The following TEX26 variants were observed in gnomAD, a reference collection of about 807,000 sequenced individuals.
TEX26 encodes the protein testis-expressed protein 26.
Under a neutral mutation model 35.3 loss-of-function variants are expected in TEX26, and 34 were observed. The ratio of observed to expected loss-of-function variants is 0.96; its 90% CI spans 0.73 to 1.28. TEX26 has a LOEUF of 1.28. Ranked by LOEUF, TEX26 falls within the 50% of genes most tolerant of loss-of-function variation. The pLI is 0.00. For synonymous variants in TEX26, 136 were observed against 111.8 expected (o/e 1.22, Z -1.36); for missense variants, 371 against 330.1 (o/e 1.12, Z -0.96).
intron 1 of TEX26, among the ~76,000 whole-genome samples, chr13:30,934,360 T>A (rs1953187553): frequency 1.3e-5 from 2 of 152,140 alleles, no homozygotes; most frequent in Non-Finnish European, 2.9e-5. Context: ...TGGTCCGAAA[T>A]AGGATGAGGT....
At chr13:30,948,839 G>T (rs1217795829) in intron 2 of TEX26, among the ~76,000 whole-genome samples, 1 of 152,186 alleles carries the variant, frequency 6.6e-6, no homozygotes, top group East Asian at 1.9e-4. Flanking sequence ...GAATGGTATT[G>T]CCTAGGTTTT....
intron 1 of TEX26, among the ~76,000 whole-genome samples, chr13:30,935,067 G>T (rs1953220632): frequency 6.6e-6 from 1 of 152,216 alleles, no homozygotes; most frequent in Admixed American, 6.5e-5. Context: ...TCCCCAGGAA[G>T]GACACCCTTC....
At chr13:30,970,735 G>C (rs1297603613) in intron 6 of TEX26, among the ~76,000 whole-genome samples, 1 of 152,150 alleles carries the variant, frequency 6.6e-6, no homozygotes, top group Non-Finnish European at 1.5e-5. Context: ...AGGCACCGCT[G>C]TCTCTTACTG....
chr13:30,944,373 G>A (rs889849876), intron 2 of TEX26, among the ~76,000 whole-genome samples: 1 of 151,198 alleles, frequency 6.6e-6, no homozygotes, highest in Admixed American at 6.6e-5. Flanking sequence ...TCTAGTTTAT[G>A]GTCTATCAAT....
chr13:30,971,989 A>G (rs1470086748), intron 6 of TEX26, among the ~76,000 whole-genome samples: 2 of 152,228 alleles, frequency 1.3e-5, no homozygotes, highest in East Asian at 1.9e-4. Flanking sequence ...TATTTACTCA[A>G]GAAATGCTCA....
intron 1 of TEX26, among the ~76,000 whole-genome samples, chr13:30,934,517 C>G (rs978157666): frequency 1.3e-5 from 2 of 152,184 alleles, no homozygotes; most frequent in East Asian, 1.9e-4. Flanking sequence ...CTCTGAAGGT[C>G]GAGAGCCTGA....
intron 4 of TEX26, among the ~76,000 whole-genome samples, chr13:30,963,417 C>G (rs571983448): frequency 6.6e-6 from 1 of 152,148 alleles, no homozygotes; most frequent in Non-Finnish European, 1.5e-5. Context: ...TTATCAGGAA[C>G]CTGTCTTCCA....
intron 2 of TEX26, among the ~76,000 whole-genome samples, chr13:30,941,073 C>T (rs1199714879): frequency 6.6e-6 from 1 of 152,208 alleles, no homozygotes; most frequent in Non-Finnish European, 1.5e-5. Flanking sequence ...ATTATCTCTG[C>T]TACCTTGCGC....
At chr13:30,969,772 A>G (rs1239408917) in intron 6 of TEX26, among the ~76,000 whole-genome samples, 2 of 152,202 alleles carry the variant, frequency 1.3e-5, no homozygotes, top group African/African-American at 2.4e-5. Flanking sequence ...TATAAAATAT[A>G]TTCATATGCC....
chr13:30,934,688 T>G (rs370574131), intron 1 of TEX26, among the ~76,000 whole-genome samples: 1 of 152,072 alleles, frequency 6.6e-6, no homozygotes, highest in East Asian at 1.9e-4. Context: ...GCTGCAACAC[T>G]CCATGGAGCC....
intron 2 of TEX26, among the ~76,000 whole-genome samples, chr13:30,947,117 T>G (rs1474397350): frequency 6.6e-6 from 1 of 152,138 alleles, no homozygotes; most frequent in East Asian, 1.9e-4. Flanking sequence ...AAGTACTGAG[T>G]TATCACAATT....
At chr13:30,970,795 G>A (rs1263965095) in intron 6 of TEX26, among the ~76,000 whole-genome samples, 2 of 152,150 alleles carry the variant, frequency 1.3e-5, no homozygotes, top group Admixed American at 1.3e-4. Context: ...GTGAACTAGG[G>A]ACTCCTCAAA....
At chr13:30,951,930 A>G (rs575173860) in intron 2 of TEX26, among the ~76,000 whole-genome samples, 4 of 115,016 alleles carry the variant, frequency 3.5e-5, no homozygotes, top group African/African-American at 1.4e-4. Flanking sequence ...TTTAAAAAAA[A>G]AGAGAGAAAG....
At chr13:30,970,168 AGTGTGT>A (rs57600535) in intron 6 of TEX26, among the ~76,000 whole-genome samples, 31,252 of 146,086 alleles carry the variant, frequency 0.21, 3,322 homozygotes, top group African/African-American at 0.24. Flanking sequence ...GGTGTGTGTG[AGTGTGT>A]GTGTGTGTGT....
chr13:30,953,753 G>T, intron 3 of TEX26, among the ~76,000 whole-genome samples: 1 of 152,160 alleles, frequency 6.6e-6, no homozygotes, highest in Non-Finnish European at 1.5e-5. Context: ...CTGATTCTCC[G>T]TGTGTGTTTT....
chr13:30,960,769 G>A (rs1413727956), intron 4 of TEX26, among the ~76,000 whole-genome samples: 2 of 152,092 alleles, frequency 1.3e-5, no homozygotes, highest in Non-Finnish European at 2.9e-5. Flanking sequence ...TTTTCTCTGA[G>A]TGTCTTAATG....
At chr13:30,960,662 G>T (rs190611276) in intron 4 of TEX26, among the ~76,000 whole-genome samples, 100 of 152,112 alleles carry the variant, frequency 6.6e-4, no homozygotes, top group African/African-American at 2.3e-3. Flanking sequence ...ACAGCATTCT[G>T]CTCTTATTTT....
At chr13:30,964,821 T>C (rs1954471484) in intron 4 of TEX26, among the ~76,000 whole-genome samples, 1 of 152,160 alleles carries the variant, frequency 6.6e-6, no homozygotes, top group Non-Finnish European at 1.5e-5. Flanking sequence ...ACTCACCTTT[T>C]TGTCAGGAAC....
intron 1 of TEX26, chr13:30,936,745 C>G (rs954222354): frequency 2.0e-6 from 2 of 985,036 alleles, no homozygotes; most frequent in Non-Finnish European, 2.4e-6. Context: ...GAAGGAGGAA[C>G]AGAAAATGAG....
Sources: gnomAD v4.1 joint callset for allele counts (sites outside exome capture counted in the v4.1 genomes callset) on GRCh38, gnomAD v4.1.1 for gene constraint, MANE v1.5 for transcripts, NCBI Gene and HGNC (gene_info 2026-07-23, HGNC 2026-07-21) for gene names.